Variants in PDLIM5 observed in about 807,000 individuals in gnomAD.
PDLIM5 encodes PDZ and LIM domain protein 5.
In PDLIM5, 34 loss-of-function variants were observed where a neutral mutation model predicts 64.2. The ratio of observed to expected loss-of-function variants is 0.53; its 90% CI spans 0.40 to 0.71. The LOEUF (loss-of-function observed/expected upper bound fraction) is 0.71, where lower values mean the gene tolerates loss of function less well. Among genes scored for constraint, PDLIM5 ranks in the 30% least tolerant of loss-of-function variants. The pLI, the probability that PDLIM5 is intolerant of heterozygous loss-of-function variation, is 0.00. For synonymous variants in PDLIM5, 253 were observed against 269.1 expected, an observed-to-expected ratio of 0.94 and a Z score of 0.59; for missense variants, 683 against 733.6, an observed-to-expected ratio of 0.93 and a Z score of 0.80.
intron 2 of PDLIM5, among the ~76,000 whole-genome samples, chr4:94,511,075 T>G (rs961893148): frequency 5.3e-5 from 8 of 152,202 alleles, no homozygotes; most frequent in African/African-American, 1.9e-4. Flanking sequence ...CTAACCATCT[T>G]GTACAGCTAA....
At chr4:94,633,802 G>A (rs1740343344) in intron 8 of PDLIM5, among the ~76,000 whole-genome samples, 2 of 152,174 alleles carry the variant, frequency 1.3e-5, no homozygotes, top group Non-Finnish European at 2.9e-5. Context: ...AGGAATATTG[G>A]AACTGCTGCT....
chr4:94,512,207 G>A (rs1249606995), intron 2 of PDLIM5, among the ~76,000 whole-genome samples: 1 of 152,032 alleles, frequency 6.6e-6, no homozygotes, highest in Non-Finnish European at 1.5e-5. Context: ...TTTTAGTAGA[G>A]ACGGGGTTTC....
chr4:94,486,491 T>C (rs1221999942), intron 2 of PDLIM5, among the ~76,000 whole-genome samples: 1 of 152,196 alleles, frequency 6.6e-6, no homozygotes, highest in Admixed American at 6.5e-5. Context: ...TCCCCTTTTT[T>C]CTTACTAGAA....
At chr4:94,603,906 A>C (rs141585202) in intron 7 of PDLIM5, among the ~76,000 whole-genome samples, 441 of 152,252 alleles carry the variant, frequency 2.9e-3, no homozygotes, top group Non-Finnish European at 5.1e-3. Flanking sequence ...ATAAATTTGG[A>C]AGTAGAGTCA....
At chr4:94,482,717 T>C (rs1725977155) in intron 2 of PDLIM5, among the ~76,000 whole-genome samples, 1 of 152,022 alleles carries the variant, frequency 6.6e-6, no homozygotes, top group Non-Finnish European at 1.5e-5. Flanking sequence ...AGTGAGACCC[T>C]GCTTCTACAA....
At chr4:94,596,293 G>A (rs1737062828) in intron 7 of PDLIM5, among the ~76,000 whole-genome samples, 3 of 152,094 alleles carry the variant, frequency 2.0e-5, no homozygotes, top group African/African-American at 2.4e-5. Context: ...ATTTATAAAA[G>A]TCAGTGTTCG....
At chr4:94,506,649 T>C (rs577213056) in intron 2 of PDLIM5, among the ~76,000 whole-genome samples, 8 of 152,202 alleles carry the variant, frequency 5.3e-5, no homozygotes, top group Non-Finnish European at 1.2e-4. Flanking sequence ...TATATGAATT[T>C]TGGAGGGAAT....
In PDLIM5 at chr4:94,640,286, T is replaced by C. The variant is rs1352991005; in HGVS notation, c.1119T>C (p.Thr373=). Residue 373 remains threonine, a synonymous_variant, in exon 9 of 13, where the codon ACT becomes ACC. Transcript: ENST00000317968. ...TGTTTTAACTCCTAGTACCTTCCAC[T>C]GGAAGAATCTCAAACAGCGCTACTT... The part of the protein sequence containing the change: ...WQRPNQGVPS[T]GRISNSATYS... 3 of 1,600,854 alleles carry C rather than the reference T, an allele frequency of 1.9e-6. No individual in the cohort carries two copies. Among genetic ancestry groups the C allele is most frequent in the Non-Finnish European group, 2.6e-6 (3 of 1,169,954 alleles).
At position 94,664,045 on chromosome 4, in the gene PDLIM5, A is replaced by G; in HGVS notation, c.1769A>G (p.His590Arg). The stretch of plus-strand genomic sequence containing the variant: ...AAGGACAAGCCCCTGTGTAAGAAAC[A>G]TGCTCATTCTGTGAATTTTTGAAAG... Reference protein sequence around the residue: ...SKKDKPLCKKHAHSVNF With the variant: ...SKKDKPLCKKRAHSVNF Residue 590 changes from histidine (H) to arginine (R), a missense_variant, in exon 13 of 13, where the codon CAT becomes CGT. His to Arg is a conservative substitution (Grantham distance 29). Transcript: ENST00000317968. The G allele has an allele frequency of 6.2e-7, 1 of 1,605,446 alleles. No individual in the cohort carries two copies. The highest frequency in any genetic ancestry group is 8.5e-7 in the Non-Finnish European group (1 of 1,174,730).
chr4:94,455,522 C>G (rs1025113031), intron 2 of PDLIM5, 138 bp downstream of exon 2: 1 of 702,284 alleles, frequency 1.4e-6, no homozygotes. Flanking sequence ...ATTTGATTAT[C>G]TATAATAAAG....
At chr4:94,650,690 G>C (rs1741775255) in intron 9 of PDLIM5, among the ~76,000 whole-genome samples, 1 of 152,184 alleles carries the variant, frequency 6.6e-6, no homozygotes, top group South Asian at 2.1e-4. Context: ...ATCAGATTTT[G>C]AGGCTAAATC....
chr4:94,650,078 T>C (rs930186826), intron 9 of PDLIM5, among the ~76,000 whole-genome samples: 1 of 151,730 alleles, frequency 6.6e-6, no homozygotes, highest in Non-Finnish European at 1.5e-5. Context: ...TATAATCCAC[T>C]GGAAATGAAG....
chr4:94,632,917 G>T (rs1226756982), intron 8 of PDLIM5, among the ~76,000 whole-genome samples: 2 of 152,102 alleles, frequency 1.3e-5, no homozygotes, highest in African/African-American at 4.8e-5. Context: ...ATCTGTGTAG[G>T]TTAACTGTTA....
chr4:94,536,212 A>G (rs1367069260), intron 3 of PDLIM5, among the ~76,000 whole-genome samples: 4 of 152,122 alleles, frequency 2.6e-5, no homozygotes, highest in South Asian at 4.1e-4. Flanking sequence ...GAGGAGAGAC[A>G]GCATGAGGGT....
At chr4:94,481,775 A>T (rs1049135074) in intron 2 of PDLIM5, among the ~76,000 whole-genome samples, 14 of 144,744 alleles carry the variant, frequency 9.7e-5, no homozygotes, top group Middle Eastern at 4.3e-3. Context: ...CACCTGGCTA[A>T]TTTTTTTGTA....
At chr4:94,494,418 AT>A (rs1193574571) in intron 2 of PDLIM5, among the ~76,000 whole-genome samples, 31 of 79,982 alleles carry the variant, frequency 3.9e-4, no homozygotes, top group South Asian at 3.1e-3. Context: ...GCATTCACTA[AT>A]TTTTTTTTTC....
intron 7 of PDLIM5, among the ~76,000 whole-genome samples, chr4:94,599,710 G>C (rs762721035): frequency 6.6e-6 from 1 of 151,974 alleles, no homozygotes; most frequent in Non-Finnish European, 1.5e-5. Context: ...TGAAGAGGAA[G>C]GCAGTCAGGA....
chr4:94,571,178 C>T (rs1734774330), intron 3 of PDLIM5, among the ~76,000 whole-genome samples: 2 of 152,218 alleles, frequency 1.3e-5, no homozygotes, highest in Admixed American at 1.3e-4. Flanking sequence ...ATAATTTTTC[C>T]TATACATTAT....
chr4:94,551,287 A>G (rs1409870118), intron 3 of PDLIM5, among the ~76,000 whole-genome samples: 2 of 152,134 alleles, frequency 1.3e-5, no homozygotes, highest in East Asian at 3.8e-4. Flanking sequence ...TTTAATGCCA[A>G]TAGTGCTGCC....
Sources: gnomAD v4.1 joint callset for allele counts (sites outside exome capture counted in the v4.1 genomes callset) on GRCh38, gnomAD v4.1.1 for gene constraint, MANE v1.5 for transcripts, NCBI Gene and HGNC (gene_info 2026-07-23, HGNC 2026-07-21) for gene names.